The following TANC1 variants were observed in gnomAD, a reference collection of about 807,000 sequenced individuals.
The protein encoded by TANC1 is protein TANC1.
In TANC1, 77 loss-of-function variants were observed where a neutral mutation model predicts 149.7. That is an observed-to-expected ratio of 0.51 (90% CI 0.43 to 0.62). The LOEUF is 0.62. Among genes scored for constraint, TANC1 ranks in the 20% least tolerant of loss-of-function variants. TANC1 has a pLI of 0.00. For synonymous variants in TANC1, 854 were observed against 925.0 expected, an observed-to-expected ratio of 0.92 and a Z score of 1.39; for missense variants, 1,985 against 2,321.8, an observed-to-expected ratio of 0.85 and a Z score of 2.98.
Position 159,217,431 on chromosome 2 carries a change from A to T in TANC1, c.3245-66A>T, listed in dbSNP as rs1012446125. The T allele has an allele frequency of 1.9e-6, 3 of 1,600,480 alleles. No individual in the cohort carries two copies. The African/African-American group carries it at 4.0e-5, about 21-fold the overall frequency. ...TCCCACTGGGGGAGAGAACTGTTAA[A>T]GAATTTCTGGCTATCTGTGCTCCAC... On this transcript the variant is annotated intron_variant, in intron 19 of 26. Transcript: ENST00000263635.
At chr2:159,155,526 TC>T in intron 7 of TANC1, among the ~76,000 whole-genome samples, 1 of 152,294 alleles carries the variant, frequency 6.6e-6, no homozygotes, top group East Asian at 1.9e-4. Flanking sequence ...TGGCTGCCTC[TC>T]CCCAGCTGGG....
chr2:159,212,990 G>A (rs1375007348), intron 19 of TANC1, among the ~76,000 whole-genome samples: 1 of 151,872 alleles, frequency 6.6e-6, no homozygotes, highest in Non-Finnish European at 1.5e-5. Context: ...GTTATGGGGA[G>A]GTACCCAAGA....
chr2:159,224,445 T>G, intron 23 of TANC1, 81 bp downstream of exon 23: 1 of 1,521,414 alleles, frequency 6.6e-7, no homozygotes, highest in Non-Finnish European at 9.0e-7. Flanking sequence ...GAGAGTGACC[T>G]GCTCCCAGGT....
intron 2 of TANC1, among the ~76,000 whole-genome samples, chr2:159,031,629 C>G (rs1398751162): frequency 6.6e-6 from 1 of 152,130 alleles, no homozygotes; most frequent in Non-Finnish European, 1.5e-5. Flanking sequence ...AAGCCTGAAG[C>G]AAATTGGTGC....
intron 1 of TANC1, among the ~76,000 whole-genome samples, chr2:158,987,816 A>T (rs1233164976): frequency 6.6e-6 from 1 of 152,146 alleles, no homozygotes; most frequent in Admixed American, 6.5e-5. Context: ...TAAAGTCAGA[A>T]CACCTGGACT....
rs114775313 is a variant in TANC1, at chr2:159,187,071, C to T, written c.2742+47C>T. ...GAGCCGGAGACCCAGCCCTGGCCGG[C>T]TGCTGGCCGTTCCTCCAACAGCCCT... On this transcript the variant is annotated intron_variant, in intron 16 of 26. Transcript: ENST00000263635. 8,660 of 1,603,796 alleles carry T rather than the reference C, an allele frequency of 5.4e-3. 23 individuals carry two copies. Among genetic ancestry groups the T allele is most frequent in the Non-Finnish European group, 6.7e-3 (7,887 of 1,174,482 alleles).
chr2:159,020,733 A>G (rs2038760180), intron 2 of TANC1, among the ~76,000 whole-genome samples: 1 of 152,198 alleles, frequency 6.6e-6, no homozygotes, highest in Admixed American at 6.5e-5. Flanking sequence ...AATGAATTTA[A>G]GAGACTTTAA....
At chr2:159,011,861 G>T (rs369637682) in intron 2 of TANC1, among the ~76,000 whole-genome samples, 6 of 152,188 alleles carry the variant, frequency 3.9e-5, no homozygotes, top group Admixed American at 3.9e-4. Flanking sequence ...GGCCATCAAG[G>T]CTTCCCATGT....
At chr2:159,178,255 A>G (rs1333553991) in intron 13 of TANC1, among the ~76,000 whole-genome samples, 1 of 152,226 alleles carries the variant, frequency 6.6e-6, no homozygotes, top group East Asian at 1.9e-4. Flanking sequence ...CACTGCCCTT[A>G]CTGGCCCTGG....
At chr2:159,127,157 T>C (rs2049535931) in intron 4 of TANC1, among the ~76,000 whole-genome samples, 1 of 152,084 alleles carries the variant, frequency 6.6e-6, no homozygotes, top group Admixed American at 6.5e-5. Flanking sequence ...GCGAAGGACA[T>C]GAACAGACAA....
chr2:159,100,079 AC>A (rs1371801632), intron 4 of TANC1, among the ~76,000 whole-genome samples: 2 of 152,176 alleles, frequency 1.3e-5, no homozygotes, highest in African/African-American at 2.4e-5. Context: ...TAATTCAGAA[AC>A]TATCGATATT....
intron 1 of TANC1, among the ~76,000 whole-genome samples, chr2:158,985,504 G>C (rs2034893561): frequency 6.6e-6 from 1 of 152,208 alleles, no homozygotes; most frequent in Admixed American, 6.5e-5. Context: ...AAGGCAGCTT[G>C]AGCAGGAGCA....
intron 2 of TANC1, among the ~76,000 whole-genome samples, chr2:159,059,888 TTG>T (rs140659801): frequency 0.059 from 6,724 of 114,704 alleles, 208 homozygotes; most frequent in Middle Eastern, 0.13. Context: ...GCAGACCTCT[TTG>T]TGTGTGTGTG....
intron 14 of TANC1, among the ~76,000 whole-genome samples, chr2:159,180,727 C>T (rs1353010520): frequency 1.3e-5 from 2 of 152,180 alleles, no homozygotes; most frequent in Non-Finnish European, 2.9e-5. Flanking sequence ...GGATATAGAA[C>T]AATGTTGGAA....
intron 2 of TANC1, among the ~76,000 whole-genome samples, chr2:159,019,327 C>G (rs1481181922): frequency 6.6e-6 from 1 of 152,182 alleles, no homozygotes; most frequent in Non-Finnish European, 1.5e-5. Context: ...AGATTCTGCA[C>G]CGGTAGTTGC....
chr2:159,044,684 A>G (rs1449748348), intron 2 of TANC1, among the ~76,000 whole-genome samples: 1 of 152,090 alleles, frequency 6.6e-6, no homozygotes, highest in Non-Finnish European at 1.5e-5. Context: ...GGAGTCCCCA[A>G]GACATCCAGG....
intron 14 of TANC1, 124 bp from the exon 15 acceptor site, chr2:159,185,667 G>A (rs113129752): frequency 9.3e-5 from 61 of 654,642 alleles, no homozygotes; most frequent in African/African-American, 6.5e-4. Flanking sequence ...TTAGCCTCCC[G>A]GAGTTTACAT....
intron 4 of TANC1, among the ~76,000 whole-genome samples, chr2:159,100,329 T>C (rs2046556282): frequency 6.6e-6 from 1 of 152,186 alleles, no homozygotes; most frequent in African/African-American, 2.4e-5. Flanking sequence ...AGAGTGTGGC[T>C]ACCCAGAAAG....
chr2:158,979,857 A>C (rs2034100089), intron 1 of TANC1, among the ~76,000 whole-genome samples: 1 of 152,236 alleles, frequency 6.6e-6, no homozygotes, highest in South Asian at 2.1e-4. Flanking sequence ...ATATTGTAGA[A>C]AGAGTCTGAC....
Sources: gnomAD v4.1 joint callset for allele counts (sites outside exome capture counted in the v4.1 genomes callset) on GRCh38, gnomAD v4.1.1 for gene constraint, MANE v1.5 for transcripts, NCBI Gene and HGNC (gene_info 2026-07-23, HGNC 2026-07-21) for gene names.